The following ARHGAP15 variants were observed in gnomAD, a reference collection of about 807,000 sequenced individuals.
The protein encoded by ARHGAP15 is Rho GTPase activating protein 15, also known as rho GTPase-activating protein 15.
A neutral mutation model predicts 63.7 loss-of-function variants in ARHGAP15; 51 were observed. That is an observed-to-expected ratio of 0.80 (90% confidence interval 0.64 to 1.01). The LOEUF (loss-of-function observed/expected upper bound fraction) is 1.01, where lower values mean the gene tolerates loss of function less well. Among genes scored for constraint, ARHGAP15 ranks in the 50% least tolerant of loss-of-function variants. ARHGAP15 has a pLI of 0.00. For missense variants in ARHGAP15, 560 were observed against 564.6 expected (o/e 0.99, Z 0.08); for synonymous variants, 191 against 193.8 (o/e 0.99, Z 0.12).
At chr2:143,440,754 T>C (rs561148384) in intron 8 of ARHGAP15, among the ~76,000 whole-genome samples, 8 of 152,262 alleles carry the variant, frequency 5.3e-5, no homozygotes, top group African/African-American at 1.9e-4. Flanking sequence ...GAAAATTTAA[T>C]GCAAGGGCCA....
chr2:143,623,722 C>T (rs979794232), intron 11 of ARHGAP15, among the ~76,000 whole-genome samples: 50 of 152,250 alleles, frequency 3.3e-4, no homozygotes, highest in Non-Finnish European at 8.8e-5. Context: ...TAGCATATGT[C>T]TCCTGTTGGC....
At chr2:143,145,590 A>G (rs371499239) in intron 1 of ARHGAP15, among the ~76,000 whole-genome samples, 1 of 152,184 alleles carries the variant, frequency 6.6e-6, no homozygotes, top group South Asian at 2.1e-4. Flanking sequence ...CAGATTATCA[A>G]TGACTGTTTC....
intron 6 of ARHGAP15, among the ~76,000 whole-genome samples, chr2:143,348,651 G>A (rs973304319): frequency 6.6e-6 from 1 of 152,092 alleles, no homozygotes; most frequent in African/African-American, 2.4e-5. Context: ...TGGTCTGTAG[G>A]TGTGAGCAGC....
chr2:143,271,801 A>T (rs75114203), intron 6 of ARHGAP15, among the ~76,000 whole-genome samples: 2,088 of 152,302 alleles, frequency 0.014, 50 homozygotes, highest in African/African-American at 0.048. Context: ...TTATACTTTC[A>T]AATCTACTTG....
At chr2:143,145,209 G>A (rs145601198) in intron 1 of ARHGAP15, among the ~76,000 whole-genome samples, 1 of 152,028 alleles carries the variant, frequency 6.6e-6, no homozygotes. Context: ...TTTAATTCTA[G>A]TGGAATGGGG....
intron 6 of ARHGAP15, among the ~76,000 whole-genome samples, chr2:143,289,717 C>T (rs547657010): frequency 1.2e-4 from 19 of 152,248 alleles, no homozygotes; most frequent in African/African-American, 4.3e-4. Context: ...AAATCTGGTG[C>T]CCTCTTAACA....
chr2:143,509,245 G>A (rs546846016), intron 9 of ARHGAP15, among the ~76,000 whole-genome samples: 132 of 151,706 alleles, frequency 8.7e-4, no homozygotes, highest in African/African-American at 1.5e-3. Flanking sequence ...TCACAGAAGC[G>A]CATATATTTG....
At chr2:143,597,571 A>G (rs1454494357) in intron 11 of ARHGAP15, among the ~76,000 whole-genome samples, 1 of 152,150 alleles carries the variant, frequency 6.6e-6, no homozygotes, top group African/African-American at 2.4e-5. Context: ...ACTCTAATTG[A>G]AGAGAGACCT....
intron 12 of ARHGAP15, among the ~76,000 whole-genome samples, chr2:143,675,484 A>G (rs908151622): frequency 6.6e-6 from 1 of 152,230 alleles, no homozygotes; most frequent in African/African-American, 2.4e-5. Context: ...TATGGCAGCC[A>G]TAGCCTTATA....
At chr2:143,147,207 G>A (rs546064756) in intron 1 of ARHGAP15, among the ~76,000 whole-genome samples, 1 of 152,012 alleles carries the variant, frequency 6.6e-6, no homozygotes, top group African/African-American at 2.4e-5. Context: ...GTCCCAGTGA[G>A]GGTCTGAGAC....
At chr2:143,318,947 G>T (rs560821207) in intron 6 of ARHGAP15, among the ~76,000 whole-genome samples, 1 of 152,002 alleles carries the variant, frequency 6.6e-6, no homozygotes, top group South Asian at 2.1e-4. Context: ...GAAAACTCCC[G>T]CGCAAATATC....
chr2:143,309,805 A>T (rs2381461), intron 6 of ARHGAP15, among the ~76,000 whole-genome samples: 1 of 151,650 alleles, frequency 6.6e-6, no homozygotes, highest in African/African-American at 2.4e-5. Flanking sequence ...CTCAAGTTGT[A>T]ACAACCAAAA....
At chr2:143,758,957 A>G (rs1686670753) in intron 13 of ARHGAP15, among the ~76,000 whole-genome samples, 2 of 152,160 alleles carry the variant, frequency 1.3e-5, no homozygotes, top group African/African-American at 2.4e-5. Flanking sequence ...AGAACCACGG[A>G]TCGAATTGTT....
intron 9 of ARHGAP15, among the ~76,000 whole-genome samples, chr2:143,491,387 G>A (rs1692575044): frequency 1.3e-5 from 2 of 152,088 alleles, no homozygotes; most frequent in African/African-American, 4.8e-5. Flanking sequence ...ACCATTGTTT[G>A]GCTTTTTAGG....
Position 143,703,429 on chromosome 2 carries a change from C to T in ARHGAP15, c.1149C>T (p.Asp383=). 1 of 1,606,876 alleles carries T rather than the reference C, an allele frequency of 6.2e-7. No individual in the cohort carries two copies. Among genetic ancestry groups the T allele is most frequent in the Non-Finnish European group, 8.5e-7 (1 of 1,177,778 alleles). ...TATTTTTTTTTCCAGAAAAGCAAGA[C>T]AACAACACAAGAATTGAAGCTGTAA... The part of the protein sequence containing the change: ...EQFVEAIKKQ[D]NNTRIEAVKS... Residue 383 remains aspartate (D), a synonymous_variant, in exon 13 of 14, where the codon GAC becomes GAT. Coordinates refer to ENST00000295095, the MANE Select transcript of ARHGAP15 (RefSeq NM_018460.4).
intron 12 of ARHGAP15, among the ~76,000 whole-genome samples, chr2:143,646,883 AAG>A (rs2105288373): frequency 6.6e-6 from 1 of 151,966 alleles, no homozygotes; most frequent in East Asian, 1.9e-4. Flanking sequence ...TTTTGACAAA[AAG>A]AAAAGAAAAC....
chr2:143,709,686 G>C (rs1478654543), intron 13 of ARHGAP15, among the ~76,000 whole-genome samples: 1 of 152,116 alleles, frequency 6.6e-6, no homozygotes, highest in African/African-American at 2.4e-5. Context: ...AAGCTTCTCT[G>C]TGGTCTTCAT....
At chr2:143,454,084 AAG>A (rs1332410268) in intron 8 of ARHGAP15, among the ~76,000 whole-genome samples, 2 of 152,186 alleles carry the variant, frequency 1.3e-5, no homozygotes, top group Non-Finnish European at 2.9e-5. Flanking sequence ...GGTCCTTTCA[AAG>A]TTGGGTGGAA....
At chr2:143,519,093 A>C in intron 9 of ARHGAP15, 173 bp from the exon 10 acceptor site, 1 of 480,262 alleles carries the variant, frequency 2.1e-6, no homozygotes, top group South Asian at 2.1e-5. Context: ...CTGTTCCATC[A>C]AGGAGGGAGT....
Sources: gnomAD v4.1 joint callset for allele counts (sites outside exome capture counted in the v4.1 genomes callset) on GRCh38, gnomAD v4.1.1 for gene constraint, MANE v1.5 for transcripts, NCBI Gene and HGNC (gene_info 2026-07-23, HGNC 2026-07-21) for gene names.